Variants in SLC9A3 observed in about 807,000 individuals in gnomAD.
SLC9A3 encodes solute carrier family 9 member A3.
In SLC9A3, 37 loss-of-function variants were observed where a neutral mutation model predicts 86.8. The ratio of observed to expected loss-of-function variants is 0.43; its 90% CI spans 0.33 to 0.56. SLC9A3 has a LOEUF of 0.56. SLC9A3 is among the 20% of genes least tolerant of loss of function. SLC9A3 has a pLI of 0.06. For missense variants in SLC9A3, 1,011 were observed against 1,171.9 expected (o/e 0.86, Z 2.00); for synonymous variants, 581 against 528.3 (o/e 1.10, Z -1.37).
At chr5:506,884 G>A (rs1311916646) in intron 1 of SLC9A3, among the ~76,000 whole-genome samples, 1 of 45,468 alleles carries the variant, frequency 2.2e-5, no homozygotes, top group African/African-American at 7.6e-5. Context: ...TGGCCAATAT[G>A]GAGAAACAAA....
rs1163342266 is a variant in SLC9A3 at position 484,593 on chromosome 5, G to T, written c.859C>A (p.Pro287Thr). The change falls in exon 5 of 17, where the codon CCC (proline) becomes ACC (threonine). Residue 287 changes from proline to threonine, a missense_variant. Pro to Thr is a conservative substitution (Grantham distance 38). Around this residue, in one of 3 missense-constraint regions of SLC9A3, gnomAD observed 565 missense variants for 790.0 expected, o/e 0.72. Coordinates refer to ENST00000264938, the MANE Select transcript of SLC9A3 (RefSeq NM_004174.4). ...RFTKHVRIIE[P>T]GFVFIISYLS... ...TAGGAGATGATGAACACGAAGCCGG[G>T]CTCGATGATACGCACATGCTTGGTG... 3.7e-6 allele frequency: 6 copies of T among 1,613,226 alleles called. No individual in the cohort carries two copies.
intron 6 of SLC9A3, 116 bp downstream of exon 6, chr5:483,146 C>T (rs1739295612): frequency 7.4e-6 from 6 of 812,058 alleles, no homozygotes; most frequent in Non-Finnish European, 1.2e-5. Context: ...GTCCTCTCCT[C>T]TGCCTTGCAC....
chr5:478,796 C>T (rs1579770247), intron 10 of SLC9A3: 1 of 154,720 alleles, frequency 6.5e-6, no homozygotes, highest in African/African-American at 2.4e-5. Context: ...CTTTCTCTCG[C>T]TTGCCGGGCC....
intron 11 of SLC9A3, chr5:477,029 C>T (rs948668558): frequency 6.0e-5 from 30 of 502,426 alleles, no homozygotes; most frequent in African/African-American, 4.8e-4. Flanking sequence ...AGCCCAGGGC[C>T]GGAGGAGCAG....
chr5:483,699 C>T (rs1739330198), intron 5 of SLC9A3, among the ~76,000 whole-genome samples: 1 of 152,260 alleles, frequency 6.6e-6, no homozygotes, highest in African/African-American at 2.4e-5. Context: ...AGATAATGGG[C>T]ACCGGGGCTG....
chr5:523,266 C>T (rs993298490), intron 1 of SLC9A3, among the ~76,000 whole-genome samples: 4 of 152,212 alleles, frequency 2.6e-5, no homozygotes, highest in Non-Finnish European at 5.9e-5. Context: ...TGTCCCTCCC[C>T]TGTCCTGCGT....
intron 1 of SLC9A3, among the ~76,000 whole-genome samples, chr5:515,884 CTGCCCCTCACACACACACACTCTCCCCCT>C: frequency 4.1e-4 from 1 of 2,462 alleles, no homozygotes; most frequent in Admixed American, 3.6e-3. Flanking sequence ...CACTCTCCCC[CTGCCCCTCACACACACACACTCTCCCCCT>C]GCCCCTCACA....
At chr5:505,055 C>T (rs893417345) in intron 1 of SLC9A3, among the ~76,000 whole-genome samples, 2 of 151,550 alleles carry the variant, frequency 1.3e-5, no homozygotes, top group African/African-American at 4.9e-5. Context: ...ACAGCGTGGA[C>T]GCAGTGACCC....
chr5:485,296 G>A (rs776807470), intron 3 of SLC9A3, 65 bp from the exon 4 acceptor site: 61 of 1,329,282 alleles, frequency 4.6e-5, no homozygotes, highest in Non-Finnish European at 5.5e-5. Flanking sequence ...TCCGGGGCCC[G>A]GGCCTCGCTG....
chr5:477,439 C>T lies in SLC9A3; in HGVS notation c.1653G>A (p.Glu551=). ...GGATGAAGGCCAGGGACCCGCGGCG[C>T]TCTCCCTGTGGTCAGGAAGCAGCCC... ...KDAISYVAEG[E]RRGSLAFIRS... Residue 551 remains glutamate (E), a synonymous_variant, in exon 11 of 17, where the codon GAG becomes GAA. Coordinates refer to ENST00000264938, the MANE Select transcript of SLC9A3 (RefSeq NM_004174.4). 6.2e-7 allele frequency: 1 copy of T among 1,611,308 alleles called. No individual in the cohort carries two copies. Among genetic ancestry groups the T allele is most frequent in the South Asian group, 1.1e-5 (1 of 90,920 alleles).
intron 16 of SLC9A3, 80 bp from the exon 17 acceptor site, chr5:473,462 C>T: frequency 2.5e-6 from 3 of 1,209,974 alleles, no homozygotes; most frequent in African/African-American, 1.6e-5. Context: ...CCTCAGCTGT[C>T]CCCGAGCCCG....
At chr5:488,146 G>A (rs1739556954) in intron 3 of SLC9A3, among the ~76,000 whole-genome samples, 170 bp downstream of exon 3, 1 of 152,270 alleles carries the variant, frequency 6.6e-6, no homozygotes, top group Non-Finnish European at 1.5e-5. Flanking sequence ...CGCGAAAGCT[G>A]CCAGTCGTTC....
intron 1 of SLC9A3, among the ~76,000 whole-genome samples, chr5:510,198 C>T (rs1350193059): frequency 6.6e-6 from 1 of 152,228 alleles, no homozygotes; most frequent in Non-Finnish European, 1.5e-5. Context: ...GAGAGGCTGC[C>T]AAGAGCAGCG....
chr5:486,061 G>C (rs889031798), intron 3 of SLC9A3, among the ~76,000 whole-genome samples: 1 of 152,164 alleles, frequency 6.6e-6, no homozygotes, highest in South Asian at 2.1e-4. Context: ...ATATCTTGCC[G>C]TCTGGTGTGC....
At position 482,769 on chromosome 5, in the gene SLC9A3, G is replaced by C; in HGVS notation, c.1154-19C>G. On this transcript the variant is annotated intron_variant, in intron 6 of 16. Transcript: ENST00000264938. ...ACCACACCTGCGGATGATGGGGCGG[G>C]CACTCAGCTCCCCGGCCGCCCTCCC... 6.4e-7 allele frequency: 1 copy of C among 1,574,206 alleles called. No individual in the cohort carries two copies. Among genetic ancestry groups the C allele is most frequent in the Non-Finnish European group, 8.6e-7 (1 of 1,158,824 alleles).
At chr5:522,938 C>T (rs961801118) in intron 1 of SLC9A3, among the ~76,000 whole-genome samples, 1 of 151,956 alleles carries the variant, frequency 6.6e-6, no homozygotes, top group South Asian at 2.1e-4. Flanking sequence ...AGACTCCCCC[C>T]CGGCCAGCAT....
At chr5:488,256 G>C (rs1739560630) in intron 3 of SLC9A3, 60 bp downstream of exon 3, 1 of 1,578,764 alleles carries the variant, frequency 6.3e-7, no homozygotes. Context: ...GATGGGGGGT[G>C]AGACGGGGCC....
chr5:488,191 CCCCCGGGAGGGGA>C, intron 3 of SLC9A3, 112 bp downstream of exon 3: 1 of 1,055,686 alleles, frequency 9.5e-7, no homozygotes, highest in Non-Finnish European at 1.4e-6. Flanking sequence ...GGACGGGACG[CCCCCGGGAGGGGA>C]GTTTGAGGAC....
chr5:486,923 CACACT>C (rs1739505169), intron 3 of SLC9A3, among the ~76,000 whole-genome samples: 1 of 121,430 alleles, frequency 8.2e-6, no homozygotes, highest in Non-Finnish European at 1.8e-5. Flanking sequence ...TGACACCCAC[CACACT>C]GACACCCACC....
Sources: gnomAD v4.1 joint callset for allele counts (sites outside exome capture counted in the v4.1 genomes callset) on GRCh38, gnomAD v4.1.1 for gene constraint, gnomAD v4.1.1 regional missense constraint, MANE v1.5 for transcripts, NCBI Gene and HGNC (gene_info 2026-07-23, HGNC 2026-07-21) for gene names.